ENTREP2: variants seen among roughly 807,000 people sequenced by gnomAD.
ENTREP2 encodes the protein endosomal transmembrane epsin interactor 2.
chr15:29,516,523 A>G, the ENTREP2 span, among the ~76,000 whole-genome samples: 1 of 152,280 alleles, frequency 6.6e-6, no homozygotes, highest in East Asian at 1.9e-4. Flanking sequence ...CATATAGTAA[A>G]AAGCATAAAA....
chr15:29,539,678 C>T, the ENTREP2 span, among the ~76,000 whole-genome samples: 1 of 152,096 alleles, frequency 6.6e-6, no homozygotes, highest in South Asian at 2.1e-4. Flanking sequence ...TTCCAAGCAA[C>T]AGAATCAAGT....
At chr15:29,324,266 T>A in the ENTREP2 span, among the ~76,000 whole-genome samples, 75 of 152,204 alleles carry the variant, frequency 4.9e-4, no homozygotes, top group African/African-American at 1.6e-3. Context: ...GCTATTTTTT[T>A]ATTTTTATTA....
chr15:29,234,056 T>C, the ENTREP2 span: 5 of 1,462,790 alleles, frequency 3.4e-6, no homozygotes, highest in Non-Finnish European at 4.8e-6. Context: ...TCTATTGCTT[T>C]GTGCAACCTC....
At chr15:29,542,659 G>T in the ENTREP2 span, among the ~76,000 whole-genome samples, 1 of 152,056 alleles carries the variant, frequency 6.6e-6, no homozygotes, top group East Asian at 1.9e-4. Flanking sequence ...TCACATTGTT[G>T]TGCAACCATC....
chr15:29,428,193 C>G, the ENTREP2 span, among the ~76,000 whole-genome samples: 1 of 152,094 alleles, frequency 6.6e-6, no homozygotes, highest in Non-Finnish European at 1.5e-5. Context: ...GTGGAGACTC[C>G]GATACACTCA....
At chr15:29,135,223 C>A in the ENTREP2 span, among the ~76,000 whole-genome samples, 30 of 152,042 alleles carry the variant, frequency 2.0e-4, no homozygotes, top group Non-Finnish European at 4.0e-4. This position sits in a 1 kb window ranked among gnomAD's most constrained non-coding sequence, Gnocchi z 7.4. Context: ...GCCTCCAGGA[C>A]CTCCTTGGCC....
At chr15:29,656,409 T>C in the ENTREP2 span, among the ~76,000 whole-genome samples, 1 of 152,144 alleles carries the variant, frequency 6.6e-6, no homozygotes, top group Non-Finnish European at 1.5e-5. Context: ...GTATTTTTAA[T>C]AGACACGAAG....
the ENTREP2 span, among the ~76,000 whole-genome samples, chr15:29,226,524 G>C: frequency 6.6e-6 from 1 of 152,196 alleles, no homozygotes; most frequent in Non-Finnish European, 1.5e-5. Context: ...TACAATAAAG[G>C]CTGTGCCTTT....
At chr15:29,158,802 TA>T in the ENTREP2 span, among the ~76,000 whole-genome samples, 1 of 152,022 alleles carries the variant, frequency 6.6e-6, no homozygotes, top group African/African-American at 2.4e-5. Flanking sequence ...TTGATGTTAT[TA>T]ATGTTATAAA....
At chr15:29,421,464 G>T in the ENTREP2 span, among the ~76,000 whole-genome samples, 1 of 152,164 alleles carries the variant, frequency 6.6e-6, no homozygotes, top group Admixed American at 6.5e-5. Flanking sequence ...TAGAAATGTG[G>T]AGACGTAGTA....
At chr15:29,642,147 A>G in the ENTREP2 span, among the ~76,000 whole-genome samples, 1 of 152,166 alleles carries the variant, frequency 6.6e-6, no homozygotes, top group Non-Finnish European at 1.5e-5. Flanking sequence ...AAATTCATAT[A>G]GGAACTCATG....
the ENTREP2 span, chr15:29,269,826 T>C: frequency 1.0e-6 from 1 of 953,416 alleles, no homozygotes; most frequent in Non-Finnish European, 1.5e-6. Context: ...TGAGACTGCG[T>C]GCTGCGTCAT....
chr15:29,144,013 C>A, the ENTREP2 span, among the ~76,000 whole-genome samples: 9 of 152,150 alleles, frequency 5.9e-5, no homozygotes, highest in African/African-American at 2.2e-4. Flanking sequence ...TGACTTTAAA[C>A]CACCGCAGGA....
At chr15:29,535,343 A>G in the ENTREP2 span, among the ~76,000 whole-genome samples, 1 of 151,936 alleles carries the variant, frequency 6.6e-6, no homozygotes, top group Non-Finnish European at 1.5e-5. Flanking sequence ...TTTTCTTTGT[A>G]TAATAAAATG....
the ENTREP2 span, among the ~76,000 whole-genome samples, chr15:29,118,523 C>G: frequency 2.1e-3 from 313 of 152,330 alleles, 1 homozygote; most frequent in Non-Finnish European, 3.8e-3. Context: ...CAACGCCCCG[C>G]TGCAACTGGA....
At chr15:29,392,776 G>A in the ENTREP2 span, among the ~76,000 whole-genome samples, 1 of 152,164 alleles carries the variant, frequency 6.6e-6, no homozygotes, top group East Asian at 1.9e-4. Context: ...CTTTGCCAGG[G>A]ACTCCAGTAG....
At chr15:29,444,870 G>A in the ENTREP2 span, among the ~76,000 whole-genome samples, 1,854 of 152,298 alleles carry the variant, frequency 0.012, 35 homozygotes, top group African/African-American at 0.041. Context: ...ACTGGCAGGC[G>A]GTCCACGGCC....
At chr15:29,218,131 T>A in the ENTREP2 span, among the ~76,000 whole-genome samples, 1 of 152,148 alleles carries the variant, frequency 6.6e-6, no homozygotes, top group Non-Finnish European at 1.5e-5. Context: ...TGGATATCAG[T>A]GCCTGTTCCG....
the ENTREP2 span, among the ~76,000 whole-genome samples, chr15:29,590,107 TGGG>T: frequency 4.6e-5 from 7 of 152,166 alleles, no homozygotes; most frequent in Non-Finnish European, 1.0e-4. Flanking sequence ...CCCTTGCAGC[TGGG>T]CCACTGAGGT....
Sources: allele counts gnomAD v4.1 joint callset (sites outside exome capture counted in the v4.1 genomes callset), GRCh38; gene constraint gnomAD v4.1.1; non-coding constraint Gnocchi (gnomAD v3.1); transcripts MANE v1.5; gene names NCBI Gene and HGNC (gene_info 2026-07-23, HGNC 2026-07-21).